Variants in PRKG1 observed in about 807,000 individuals in gnomAD.
PRKG1 encodes cGMP-dependent protein kinase 1.
In PRKG1, 35 loss-of-function variants were observed where a neutral mutation model predicts 88.1. That is an observed-to-expected ratio of 0.40 (90% CI 0.30 to 0.53). The LOEUF is 0.53. Among genes scored for constraint, PRKG1 ranks in the 20% least tolerant of loss-of-function variants. The probability of loss-of-function intolerance (pLI) is 0.59; values close to 1 mark genes in which losing one functional copy is unlikely to be tolerated. For synonymous variants in PRKG1, 303 were observed against 292.5 expected, an observed-to-expected ratio of 1.04 and a Z score of -0.37; for missense variants, 540 against 839.8, an observed-to-expected ratio of 0.64 and a Z score of 4.41.
intron 2 of PRKG1, among the ~76,000 whole-genome samples, chr10:51,236,037 G>A (rs1321206419): frequency 2.0e-4 from 30 of 152,122 alleles, no homozygotes; most frequent in Admixed American, 2.0e-3. Flanking sequence ...GGGTGGAACT[G>A]AGAATTTGCA....
chr10:51,370,868 G>A (rs1412972359), intron 2 of PRKG1, among the ~76,000 whole-genome samples: 2 of 151,784 alleles, frequency 1.3e-5, no homozygotes, highest in Non-Finnish European at 2.9e-5. Flanking sequence ...TACCTACATG[G>A]CCATGCGTAG....
chr10:52,161,066 A>C (rs2132687076), intron 8 of PRKG1, among the ~76,000 whole-genome samples: 1 of 152,042 alleles, frequency 6.6e-6, no homozygotes, highest in East Asian at 1.9e-4. Flanking sequence ...AGTAGTTGCT[A>C]GAATGTAGTG....
intron 4 of PRKG1, among the ~76,000 whole-genome samples, chr10:51,840,177 A>G (rs972132155): frequency 6.6e-6 from 1 of 152,202 alleles, no homozygotes; most frequent in East Asian, 1.9e-4. Flanking sequence ...AGTGGTGTAC[A>G]TAAATGAGAA....
At chr10:51,031,074 C>T (rs1041780476) in intron 1 of PRKG1, among the ~76,000 whole-genome samples, 4 of 152,152 alleles carry the variant, frequency 2.6e-5, no homozygotes, top group African/African-American at 9.7e-5. Flanking sequence ...CCTACCTTCA[C>T]AGATTATATT....
At chr10:52,071,713 CCATTTT>C (rs1481116105) in intron 7 of PRKG1, among the ~76,000 whole-genome samples, 1 of 151,916 alleles carries the variant, frequency 6.6e-6, no homozygotes, top group Non-Finnish European at 1.5e-5. Flanking sequence ...TACCACATAC[CCATTTT>C]CAGTGGAGTT....
Position 51,602,776 on chromosome 10 carries a change from GTGTGTA to G in PRKG1, c.592+134942_592+134947del, listed in dbSNP as rs1422780354. Among the ~76,000 whole-genome samples, 707 of 71,488 alleles carry G rather than the reference GTGTGTA, an allele frequency of 9.9e-3. 16 individuals carry two copies. The highest frequency in any genetic ancestry group is 0.032 in the African/African-American group (658 of 20,262). The allele number at this position is 71,488 out of a possible 152,430, so 46.9% of individuals were successfully genotyped here. A position where few individuals can be genotyped will look rare whatever the true frequency, so the allele number is the denominator to read the frequency against. The stretch of plus-strand genomic sequence containing the variant: ...TGTGTGTGTGTGTGTGTGTGTGTGT[GTGTGTA>G]TATATTCATATATATATTAATTTTC... On this transcript the variant is annotated intron_variant, in intron 3 of 17. Transcript: ENST00000373980.
chr10:51,858,692 G>T (rs1285085931), intron 4 of PRKG1, among the ~76,000 whole-genome samples: 1 of 151,362 alleles, frequency 6.6e-6, no homozygotes, highest in African/African-American at 2.4e-5. Context: ...CTGGGTGCCT[G>T]CCATATTCCA....
At chr10:51,783,471 G>T (rs963184719) in intron 3 of PRKG1, among the ~76,000 whole-genome samples, 1 of 151,976 alleles carries the variant, frequency 6.6e-6, no homozygotes, top group South Asian at 2.1e-4. Flanking sequence ...TAGAGGTGGG[G>T]TTTCATCACC....
chr10:51,297,868 G>A (rs1840762335), intron 2 of PRKG1, among the ~76,000 whole-genome samples: 1 of 151,912 alleles, frequency 6.6e-6, no homozygotes, highest in Non-Finnish European at 1.5e-5. Flanking sequence ...TTAGTATAAG[G>A]CATTTAATGG....
At chr10:51,037,726 T>C (rs999060628) in intron 1 of PRKG1, among the ~76,000 whole-genome samples, 1 of 151,624 alleles carries the variant, frequency 6.6e-6, no homozygotes, top group Non-Finnish European at 1.5e-5. Flanking sequence ...GAGGTTGCAG[T>C]GAGCCAAGAT....
At chr10:51,026,520 G>T (rs974927109) in intron 1 of PRKG1, among the ~76,000 whole-genome samples, 1 of 152,150 alleles carries the variant, frequency 6.6e-6, no homozygotes, top group Non-Finnish European at 1.5e-5. Flanking sequence ...ATGGAACCTA[G>T]TGCCAATCAG....
intron 4 of PRKG1, among the ~76,000 whole-genome samples, chr10:51,891,660 G>A (rs139584982): frequency 1.8e-4 from 28 of 152,242 alleles, no homozygotes; most frequent in African/African-American, 6.3e-4. Context: ...AAACTTTCCC[G>A]TAAAAGACCA....
intron 4 of PRKG1, among the ~76,000 whole-genome samples, chr10:51,883,184 T>A (rs992907792): frequency 5.3e-5 from 8 of 152,190 alleles, no homozygotes; most frequent in Non-Finnish European, 8.8e-5. Context: ...TGCTTGAGGA[T>A]TTGAACTACA....
chr10:52,221,672 T>A (rs1415503821), intron 9 of PRKG1, among the ~76,000 whole-genome samples: 1 of 152,196 alleles, frequency 6.6e-6, no homozygotes, highest in Non-Finnish European at 1.5e-5. Flanking sequence ...TGAGGAGCTA[T>A]AACATCAGAT....
In PRKG1 at chr10:51,660,789, G is replaced by T. The variant is rs556221293; in HGVS notation, c.593-143796G>T. Among the ~76,000 whole-genome samples, 5 of 152,172 alleles carry T rather than the reference G, an allele frequency of 3.3e-5. No homozygotes were observed. The South Asian group carries it at 1.0e-3, about 32-fold the overall frequency. ...CTGCTTGGTGATGCATGTTATGGCTGCCAGTGGGTAAAAAGGGTTGCATGC... is the reference window on the plus strand; with the variant it reads ...CTGCTTGGTGATGCATGTTATGGCTTCCAGTGGGTAAAAAGGGTTGCATGC... On this transcript the variant is annotated intron_variant, in intron 3 of 17. Transcript: ENST00000373980.
intron 1 of PRKG1, among the ~76,000 whole-genome samples, chr10:51,065,487 AT>A (rs894897357): frequency 1.3e-5 from 2 of 151,828 alleles, no homozygotes; most frequent in Non-Finnish European, 1.5e-5. Context: ...ATAGGGATGT[AT>A]TTTTTTTCCA....
At chr10:51,430,608 C>T (rs1462490935) in intron 2 of PRKG1, among the ~76,000 whole-genome samples, 1 of 152,222 alleles carries the variant, frequency 6.6e-6, no homozygotes, top group East Asian at 1.9e-4. Context: ...TCCTAAATAT[C>T]TACATGAAAT....
At chr10:51,296,949 TA>T (rs1456752738) in intron 2 of PRKG1, among the ~76,000 whole-genome samples, 3 of 152,122 alleles carry the variant, frequency 2.0e-5, no homozygotes, top group Non-Finnish European at 4.4e-5. Flanking sequence ...CTTGAATAAA[TA>T]TAACAGAGTG....
chr10:51,486,755 T>C (rs1043361109), intron 3 of PRKG1, among the ~76,000 whole-genome samples: 2 of 152,172 alleles, frequency 1.3e-5, no homozygotes, highest in African/African-American at 4.8e-5. Context: ...ATTAACAATT[T>C]AGGGTTCATT....
Sources: gnomAD v4.1 joint callset for allele counts (sites outside exome capture counted in the v4.1 genomes callset) on GRCh38, gnomAD v4.1.1 for gene constraint, MANE v1.5 for transcripts, NCBI Gene and HGNC (gene_info 2026-07-23, HGNC 2026-07-21) for gene names.